Variants in PTPRD observed in about 807,000 individuals in gnomAD.
The protein encoded by PTPRD is protein tyrosine phosphatase receptor type D.
Under a neutral mutation model 214.5 loss-of-function variants are expected in PTPRD, and 34 were observed. That is an observed-to-expected ratio of 0.16 (90% CI 0.12 to 0.21). The LOEUF (loss-of-function observed/expected upper bound fraction) is 0.21. Among genes scored for constraint, PTPRD ranks in the 10% least tolerant of loss-of-function variants. PTPRD has a pLI of 1.00. For missense variants in PTPRD, 2,545 were observed against 2,398.7 expected (o/e 1.06, Z -1.27); for synonymous variants, 1,128 against 845.7 (o/e 1.33, Z -5.79).
At chr9:8,833,428 T>A (rs954194833) in intron 11 of PTPRD, among the ~76,000 whole-genome samples, 2 of 152,108 alleles carry the variant, frequency 1.3e-5, no homozygotes, top group Non-Finnish European at 1.5e-5. Context: ...AACATTTAAT[T>A]ATCTAAGTTT....
chr9:10,530,971 A>G (rs932711840), intron 2 of PTPRD, among the ~76,000 whole-genome samples: 2 of 151,366 alleles, frequency 1.3e-5, no homozygotes, highest in African/African-American at 4.9e-5. Context: ...TTTTTTTGAG[A>G]CAGATTCTTG....
intron 10 of PTPRD, among the ~76,000 whole-genome samples, chr9:9,121,701 G>T (rs988694454): frequency 6.6e-6 from 1 of 152,096 alleles, no homozygotes. Flanking sequence ...AGGGATAAAA[G>T]ACAACAGATA....
chr9:10,391,109 G>A (rs1452887135), intron 2 of PTPRD, among the ~76,000 whole-genome samples: 2 of 151,786 alleles, frequency 1.3e-5, no homozygotes, highest in South Asian at 2.1e-4. Context: ...ACTTGGGGAA[G>A]CATTAAGTAA....
intron 9 of PTPRD, among the ~76,000 whole-genome samples, chr9:9,318,451 G>A (rs1403048790): frequency 1.3e-5 from 2 of 152,090 alleles, no homozygotes; most frequent in Non-Finnish European, 1.5e-5. Flanking sequence ...ATAGTTTGAA[G>A]TAATGGTATT....
chr9:9,892,745 A>G (rs1334377194), intron 5 of PTPRD, among the ~76,000 whole-genome samples: 4 of 84,582 alleles, frequency 4.7e-5, no homozygotes, highest in South Asian at 3.3e-4. Context: ...ATAACGAGGT[A>G]AAAAAAAAAA....
chr9:10,297,737 C>T (rs1437284998), intron 3 of PTPRD, among the ~76,000 whole-genome samples: 1 of 152,018 alleles, frequency 6.6e-6, no homozygotes, highest in African/African-American at 2.4e-5. Context: ...AAAAGTAAAA[C>T]TATGAGTTTC....
At chr9:10,553,402 A>G (rs568652892) in intron 2 of PTPRD, among the ~76,000 whole-genome samples, 37 of 152,020 alleles carry the variant, frequency 2.4e-4, no homozygotes, top group Non-Finnish European at 3.8e-4. Flanking sequence ...AATCCTACAC[A>G]TAAAATAGTT....
chr9:9,171,715 T>C (rs10977546), intron 10 of PTPRD, among the ~76,000 whole-genome samples: 24,535 of 151,950 alleles, frequency 0.16, 2,527 homozygotes, highest in Admixed American at 0.27. Context: ...TGGCACTAGG[T>C]TTAATATTAT....
chr9:9,428,626 A>T (rs2081940985), intron 8 of PTPRD, among the ~76,000 whole-genome samples: 1 of 152,234 alleles, frequency 6.6e-6, no homozygotes, highest in Non-Finnish European at 1.5e-5. Flanking sequence ...TGTCGCACTT[A>T]TTCCAAAACT....
intron 14 of PTPRD, among the ~76,000 whole-genome samples, chr9:8,590,787 A>G (rs1175952406): frequency 6.6e-6 from 1 of 152,214 alleles, no homozygotes; most frequent in Non-Finnish European, 1.5e-5. Flanking sequence ...AGTTCTGTCT[A>G]AAATTAAGGT....
At chr9:10,424,396 T>C (rs951739449) in intron 2 of PTPRD, among the ~76,000 whole-genome samples, 5 of 151,786 alleles carry the variant, frequency 3.3e-5, no homozygotes. Flanking sequence ...AGAACTATTA[T>C]TCCCATAACA....
chr9:10,575,743 C>A (rs2069074877), intron 2 of PTPRD, among the ~76,000 whole-genome samples: 1 of 151,986 alleles, frequency 6.6e-6, no homozygotes, highest in Admixed American at 6.6e-5. Context: ...ATTTTCTTTT[C>A]TAGCTCCAGT....
chr9:9,608,639 T>C (rs1232039730), intron 7 of PTPRD, among the ~76,000 whole-genome samples: 2 of 152,198 alleles, frequency 1.3e-5, no homozygotes, highest in African/African-American at 4.8e-5. Context: ...CAAACACTGC[T>C]TCATTCTGGC....
chr9:8,787,108 T>C (rs1232040452), intron 11 of PTPRD, among the ~76,000 whole-genome samples: 1 of 152,098 alleles, frequency 6.6e-6, no homozygotes, highest in Non-Finnish European at 1.5e-5. Flanking sequence ...AGTGCTAGAA[T>C]TACAGACATG....
intron 11 of PTPRD, among the ~76,000 whole-genome samples, chr9:8,843,826 A>C (rs953292851): frequency 6.6e-6 from 1 of 152,152 alleles, no homozygotes; most frequent in Non-Finnish European, 1.5e-5. Flanking sequence ...CAAGCCCAGA[A>C]AGGACTGGCC....
intron 5 of PTPRD, among the ~76,000 whole-genome samples, chr9:9,892,802 T>C (rs1413599824): frequency 2.6e-5 from 4 of 151,864 alleles, no homozygotes; most frequent in Admixed American, 1.3e-4. Context: ...TTGAGTGGTA[T>C]AATATTTGAA....
intron 33 of PTPRD, among the ~76,000 whole-genome samples, chr9:8,451,054 C>G (rs755800645): frequency 2.0e-5 from 3 of 152,092 alleles, no homozygotes; most frequent in Non-Finnish European, 4.4e-5. Flanking sequence ...CCACCCAGGT[C>G]GTTCTATGGT....
intron 7 of PTPRD, among the ~76,000 whole-genome samples, chr9:9,630,290 G>GCA (rs766915275): frequency 1.9e-4 from 29 of 152,238 alleles, no homozygotes; most frequent in Non-Finnish European, 3.7e-4. Context: ...GTTTTATATA[G>GCA]CAAAGAAAAA....
chr9:10,176,914 T>C (rs189354835), intron 3 of PTPRD, among the ~76,000 whole-genome samples: 1 of 152,110 alleles, frequency 6.6e-6, no homozygotes, highest in Admixed American at 6.5e-5. Context: ...CACATTCTTA[T>C]AAAAGACAAA....
Sources: gnomAD v4.1 joint callset for allele counts (sites outside exome capture counted in the v4.1 genomes callset) on GRCh38, gnomAD v4.1.1 for gene constraint, MANE v1.5 for transcripts, NCBI Gene and HGNC (gene_info 2026-07-23, HGNC 2026-07-21) for gene names.